GIT1: variants seen among roughly 807,000 people sequenced by gnomAD.
GIT1 encodes ARF GTPase-activating protein GIT1.
A neutral mutation model predicts 91.7 loss-of-function variants in GIT1; 14 were observed. The observed-to-expected ratio is 0.15, with a 90% CI of 0.10 to 0.24. The LOEUF (loss-of-function observed/expected upper bound fraction) is 0.24, where lower values mean the gene tolerates loss of function less well. GIT1 is among the 10% of genes least tolerant of loss of function. The pLI, the probability that GIT1 is intolerant of heterozygous loss-of-function variation, is 1.00. For missense variants in GIT1, 717 were observed against 1,024.9 expected (o/e 0.70, Z 4.10); for synonymous variants, 414 against 418.2 (o/e 0.99, Z 0.12).
At chr17:29,585,624 T>C (rs1236129814) in intron 1 of GIT1, among the ~76,000 whole-genome samples, 1 of 152,180 alleles carries the variant, frequency 6.6e-6, no homozygotes, top group African/African-American at 2.4e-5. Flanking sequence ...AAGGACACTG[T>C]CCTGGTCTGG....
Position 29,589,345 on chromosome 17 carries a change from C to T in GIT1, c.34G>A (p.Ala12Thr), listed in dbSNP as rs1487752987. 1 of 1,090,166 alleles carries T rather than the reference C, an allele frequency of 9.2e-7. No homozygotes were observed. Among genetic ancestry groups the T allele is most frequent in the Non-Finnish European group, 1.1e-6 (1 of 886,680 alleles). The allele number at this position is 1,090,166 out of a possible 1,614,324, so 67.5% of individuals were successfully genotyped here. Residue 12 changes from alanine (A) to threonine (T), a missense_variant, in exon 1 of 20, where the codon GCG (alanine) becomes ACG (threonine). Ala to Thr is a moderately conservative substitution (Grantham distance 58). Coordinates refer to ENST00000225394, the MANE Select transcript of GIT1 (RefSeq NM_014030.4). This position sits in a 1 kb window ranked among gnomAD's most constrained non-coding sequence, Gnocchi z 5.2. ...SRKGPRAEVCADCSAPDPGWA... is the reference protein window; with the variant it reads ...SRKGPRAEVCTDCSAPDPGWA... The stretch of plus-strand genomic sequence containing the variant: ...CGCTTACCCGGGGCGCTGCAGTCCG[C>T]ACACACCTCCGCTCGCGGCCCCTTT...
intron 1 of GIT1, chr17:29,583,938 G>A (rs948800315): frequency 1.9e-5 from 7 of 367,010 alleles, no homozygotes; most frequent in African/African-American, 8.2e-5. Flanking sequence ...CCCAGGAAAC[G>A]AGGTCTCTGC....
chr17:29,587,033 C>A (rs1438755474), intron 1 of GIT1, among the ~76,000 whole-genome samples: 3 of 152,148 alleles, frequency 2.0e-5, no homozygotes, highest in Admixed American at 6.5e-5. Context: ...CCATGACCCC[C>A]CAAATTAACC....
rs577598394 is a variant in GIT1 at position 29,575,221 on chromosome 17, T to G, written c.2009+67A>C. ...GGACAGCAGAACCCAGGGCCCCTCA[T>G]GCTCTCTGCAACACCCTAGAAGCCA... On this transcript the variant is annotated intron_variant, in intron 18 of 19. Transcript: ENST00000225394. The surrounding 1 kb of genome is among the most constrained non-coding windows in gnomAD (Gnocchi z 5.5). 65 of 1,558,272 alleles carry G rather than the reference T, an allele frequency of 4.2e-5. No individual in the cohort carries two copies. In the South Asian group the frequency reaches 6.7e-4, roughly 16 times the overall value.
At chr17:29,583,219 T>C (rs937262496) in intron 2 of GIT1, among the ~76,000 whole-genome samples, 182 bp from the exon 3 acceptor site, 4 of 152,218 alleles carry the variant, frequency 2.6e-5, no homozygotes, top group Middle Eastern at 3.4e-3. Context: ...CCCATGAGTG[T>C]GCCAAGGCTC....
At chr17:29,578,701 A>G in intron 8 of GIT1, 30 bp downstream of exon 8, 2 of 1,599,186 alleles carry the variant, frequency 1.3e-6, no homozygotes, top group South Asian at 2.2e-5. Context: ...GCCAGCTTCA[A>G]GTGTCAGGGC....
intron 1 of GIT1, among the ~76,000 whole-genome samples, chr17:29,584,751 G>T (rs2033528851): frequency 6.6e-6 from 1 of 152,156 alleles, no homozygotes; most frequent in African/African-American, 2.4e-5. Context: ...CCCCATCAGG[G>T]GAGGGACAGG....
Position 29,582,969 on chromosome 17 carries a change from T to C in GIT1, c.255A>G (p.Gln85=), listed in dbSNP as rs778139845. ...IWEHSLLDPA[Q]VQSGRRKANP... The stretch of plus-strand genomic sequence containing the variant: ...TGGCTTTACGCCGGCCGCTCTGCAC[T>C]TGTGCGGGGTCCAGCAGGGAGTGCT... Residue 85 remains glutamine (Q), a synonymous_variant, in exon 3 of 20, where the codon CAA becomes CAG. Coordinates refer to ENST00000225394, the MANE Select transcript of GIT1 (RefSeq NM_014030.4). The C allele has an allele frequency of 1.9e-5, 31 of 1,612,368 alleles. No individual in the cohort carries two copies. In the Admixed American group the frequency reaches 5.2e-4, roughly 27 times the overall value.
intron 7 of GIT1, chr17:29,579,048 G>A (rs1202062521): frequency 7.3e-6 from 11 of 1,502,034 alleles, no homozygotes; most frequent in Non-Finnish European, 1.0e-5. Flanking sequence ...TTACCCAGGA[G>A]CAGGGCAGCA....
rs1224262270 is a variant in GIT1 at position 29,589,343 on chromosome 17, C to T, written c.36G>A (p.Ala12=). Residue 12 remains alanine, a synonymous_variant, in exon 1 of 20, where the codon GCG becomes GCA. Transcript: ENST00000225394. This position sits in a 1 kb window ranked among gnomAD's most constrained non-coding sequence, Gnocchi z 5.2. ...SRKGPRAEVC[A]DCSAPDPGWA... ...CGCGCTTACCCGGGGCGCTGCAGTC[C>T]GCACACACCTCCGCTCGCGGCCCCT... 2 of 1,086,308 alleles carry T rather than the reference C, an allele frequency of 1.8e-6. No individual in the cohort carries two copies. Among genetic ancestry groups the T allele is most frequent in the African/African-American group, 1.7e-5 (1 of 58,888 alleles). 67.3% of individuals were successfully genotyped at this position (1,086,308 alleles called of 1,614,324 possible). A position where few individuals can be genotyped will look rare whatever the true frequency, so the allele number is the denominator to read the frequency against.
At chr17:29,579,023 G>C in intron 7 of GIT1, 1 of 1,608,768 alleles carries the variant, frequency 6.2e-7, no homozygotes, top group Non-Finnish European at 8.5e-7. Flanking sequence ...GGGAAGAACA[G>C]GACAGAGGCG....
chr17:29,586,419 C>A (rs2033595572), intron 1 of GIT1, among the ~76,000 whole-genome samples: 2 of 152,036 alleles, frequency 1.3e-5, no homozygotes, highest in Admixed American at 1.3e-4. Flanking sequence ...CCCAGGGAAG[C>A]AAAAAGATTG....
Position 29,581,640 on chromosome 17 carries a change from C to G in GIT1, c.718+102G>C. On this transcript the variant is annotated intron_variant, in intron 6 of 19. Transcript: ENST00000225394. This position sits in a 1 kb window ranked among gnomAD's most constrained non-coding sequence, Gnocchi z 4.8. ...GTTGCCTAGCAACATTGCTCCCCAG[C>G]CGCTCTGTCACCATGGCACCTGCTG... is the stretch of plus-strand genomic sequence containing the variant. 1.1e-6 allele frequency: 1 copy of G among 882,406 alleles called. No individual in the cohort carries two copies. Among genetic ancestry groups the G allele is most frequent in the Non-Finnish European group, 1.8e-6 (1 of 546,830 alleles). 54.7% of individuals were successfully genotyped at this position (882,406 alleles called of 1,614,324 possible).
Position 29,582,797 on chromosome 17 carries a change from G to C in GIT1, c.306C>G (p.Ile102Met). ...KANPQDKVHP[I>M]KSEFIRAKYQ... is the part of the protein sequence containing the mutation. ...ACTTGGCCCTGATGAACTCTGACTT[G>C]ATGGGGCTGCATGGGGCACACAGGA... Residue 102 changes from isoleucine (I) to methionine (M), a missense_variant, in exon 4 of 20, where the codon ATC becomes ATG. Transcript: ENST00000225394. 2 of 1,612,716 alleles carry C rather than the reference G, an allele frequency of 1.2e-6. No homozygotes were observed. Among genetic ancestry groups the C allele is most frequent in the East Asian group, 2.2e-5 (1 of 44,880 alleles).
chr17:29,575,049 C>T lies in GIT1; in HGVS notation c.2073+30G>A. 1 of 1,545,164 alleles carries T rather than the reference C, an allele frequency of 6.5e-7. No homozygotes were observed. Among genetic ancestry groups the T allele is most frequent in the South Asian group, 1.2e-5 (1 of 84,450 alleles). ...CGCCTGCCCCAGCTCGAGGCCCTCC[C>T]ACTCCTGGTCCTCTCTTTGGCCCCT... is the stretch of plus-strand genomic sequence containing the variant. On this transcript the variant is annotated intron_variant, in intron 19 of 19. Transcript: ENST00000225394. The surrounding 1 kb of genome is among the most constrained non-coding windows in gnomAD (Gnocchi z 5.5).
Position 29,576,362 on chromosome 17 carries a change from T to C in GIT1, c.1469A>G (p.His490Arg), listed in dbSNP as rs1205454688. The C allele has an allele frequency of 6.2e-7, 1 of 1,613,468 alleles. No individual in the cohort carries two copies. The highest frequency in any genetic ancestry group is 2.2e-5 in the East Asian group (1 of 44,880). ...GCTCCCGCCTGGCGCCATGGGTGTG[T>C]GTTCCGCCCGTTCACTGGGGAGTGG... Reference protein sequence around the residue: ...TPPLPSERAEHTPMAPGGSTH... With the variant: ...TPPLPSERAERTPMAPGGSTH... Residue 490 changes from histidine to arginine, a missense_variant, in exon 14 of 20, where the codon CAC (histidine) becomes CGC (arginine). Coordinates refer to ENST00000225394, the MANE Select transcript of GIT1 (RefSeq NM_014030.4).
chr17:29,582,838 G>C, intron 3 of GIT1, 35 bp from the exon 4 acceptor site: 3 of 1,577,802 alleles, frequency 1.9e-6, no homozygotes, highest in Non-Finnish European at 2.6e-6. Context: ...GGGGAGCATG[G>C]TGGGAGAGGG....
chr17:29,575,481 G>C lies in GIT1; in HGVS notation c.1827-11C>G. On this transcript the variant is annotated splice_polypyrimidine_tract_variant and intron_variant, in intron 17 of 19. Coordinates refer to ENST00000225394, the MANE Select transcript of GIT1 (RefSeq NM_014030.4). This position sits in a 1 kb window ranked among gnomAD's most constrained non-coding sequence, Gnocchi z 5.5. ...CTCTTCCCTTCCAGCCTGAGGCCCA[G>C]GTCCAGAAAACAGAGACAAAGATAC... is the stretch of plus-strand genomic sequence containing the variant. The C allele has an allele frequency of 6.3e-7, 1 of 1,595,586 alleles. No homozygotes were observed. The highest frequency in any genetic ancestry group is 8.5e-7 in the Non-Finnish European group (1 of 1,170,850).
chr17:29,577,193 C>T lies in GIT1; in HGVS notation c.1036G>A (p.Asp346Asn). Residue 346 changes from aspartate (D) to asparagine (N), a missense_variant, in exon 11 of 20, where the codon GAC (aspartate) becomes AAC (asparagine). Transcript: ENST00000225394. ...NAREFATLII[D>N]ILSEAKRRQQ... ...CTCCGCTTGGCCTCACTGAGAATGT[C>T]GATGATCAAGGTGGCAAACTCTCGG... 3 of 1,613,962 alleles carry T rather than the reference C, an allele frequency of 1.9e-6. No individual in the cohort carries two copies. The highest frequency in any genetic ancestry group is 1.7e-6 in the Non-Finnish European group (2 of 1,180,020).
Sources: gnomAD v4.1 joint callset for allele counts (sites outside exome capture counted in the v4.1 genomes callset) on GRCh38, gnomAD v4.1.1 for gene constraint, Gnocchi (gnomAD v3.1) non-coding constraint, MANE v1.5 for transcripts, NCBI Gene and HGNC (gene_info 2026-07-23, HGNC 2026-07-21) for gene names.